Variants in FSHR observed in about 807,000 individuals in gnomAD.
FSHR encodes follicle-stimulating hormone receptor.
A neutral mutation model predicts 52.1 loss-of-function variants in FSHR; 46 were observed. That is an observed-to-expected ratio of 0.88 (90% CI 0.70 to 1.13). The LOEUF (loss-of-function observed/expected upper bound fraction) is 1.13. FSHR is among the 50% of genes most tolerant of loss of function. The pLI, the probability that FSHR is intolerant of heterozygous loss-of-function variation, is 0.00. For synonymous variants in FSHR, 399 were observed against 309.6 expected (o/e 1.29, Z -3.03); for missense variants, 964 against 834.6 (o/e 1.16, Z -1.91).
At chr2:48,987,837 A>AACACACACACACAC (rs72108367) in intron 6 of FSHR, among the ~76,000 whole-genome samples, 84 of 146,136 alleles carry the variant, frequency 5.7e-4, no homozygotes, top group African/African-American at 2.0e-3. Flanking sequence ...ACCTCATCTC[A>AACACACACACACAC]ACACACACAC....
At chr2:49,024,733 T>G (rs1203231741) in intron 2 of FSHR, among the ~76,000 whole-genome samples, 2 of 152,180 alleles carry the variant, frequency 1.3e-5, no homozygotes, top group Non-Finnish European at 2.9e-5. Flanking sequence ...CTCCAATATA[T>G]CCAAAATATT....
At chr2:49,125,239 T>C (rs1671956324) in intron 1 of FSHR, among the ~76,000 whole-genome samples, 1 of 152,222 alleles carries the variant, frequency 6.6e-6, no homozygotes, top group Non-Finnish European at 1.5e-5. Flanking sequence ...TCTTTTGGCT[T>C]TCTTGGATTG....
intron 2 of FSHR, among the ~76,000 whole-genome samples, chr2:49,055,590 C>G (rs1669032968): frequency 1.6e-5 from 2 of 127,698 alleles, no homozygotes; most frequent in South Asian, 2.6e-4. Context: ...CCCAAAAGTT[C>G]TTTCCAAGGC....
At chr2:49,097,652 A>G (rs1230552932) in intron 1 of FSHR, among the ~76,000 whole-genome samples, 1 of 152,202 alleles carries the variant, frequency 6.6e-6, no homozygotes, top group African/African-American at 2.4e-5. Context: ...GGAATAGAAT[A>G]ACGTTAGGAC....
At chr2:49,011,098 C>G (rs1667253091) in intron 4 of FSHR, among the ~76,000 whole-genome samples, 1 of 151,190 alleles carries the variant, frequency 6.6e-6, no homozygotes, top group Admixed American at 6.6e-5. Flanking sequence ...TCTTGCTTTT[C>G]TAGTTCTTTT....
At chr2:49,013,572 G>T (rs1667371690) in intron 4 of FSHR, among the ~76,000 whole-genome samples, 1 of 144,100 alleles carries the variant, frequency 6.9e-6, no homozygotes, top group East Asian at 2.0e-4. Context: ...TTTATTTATT[G>T]CAGGTAGAAG....
At chr2:49,088,005 A>C (rs1670463719) in intron 1 of FSHR, among the ~76,000 whole-genome samples, 1 of 152,198 alleles carries the variant, frequency 6.6e-6, no homozygotes, top group Non-Finnish European at 1.5e-5. Flanking sequence ...TGCAGTATCT[A>C]ATATAATCTT....
intron 2 of FSHR, among the ~76,000 whole-genome samples, chr2:49,022,014 G>C (rs1283409772): frequency 1.3e-5 from 2 of 150,732 alleles, no homozygotes; most frequent in African/African-American, 4.9e-5. Flanking sequence ...GAGAAGGAGG[G>C]GGAAAGGGAT....
chr2:49,148,480 T>C (rs1174714993), intron 1 of FSHR, among the ~76,000 whole-genome samples: 1 of 152,106 alleles, frequency 6.6e-6, no homozygotes, highest in African/African-American at 2.4e-5. Flanking sequence ...TATCGAATCA[T>C]TTGTACTACC....
At chr2:48,983,709 C>T (rs1675362463) in intron 6 of FSHR, among the ~76,000 whole-genome samples, 1 of 152,124 alleles carries the variant, frequency 6.6e-6, no homozygotes, top group African/African-American at 2.4e-5. Flanking sequence ...CCCATAGGGA[C>T]CTGGTTATTG....
intron 1 of FSHR, among the ~76,000 whole-genome samples, chr2:49,105,768 C>G (rs549738952): frequency 5.3e-5 from 8 of 152,278 alleles, no homozygotes; most frequent in African/African-American, 1.7e-4. Flanking sequence ...ACTGAGCAGA[C>G]AAACAAAGCT....
intron 7 of FSHR, 28 bp from the exon 8 acceptor site, chr2:48,983,014 G>A: frequency 6.2e-7 from 1 of 1,611,304 alleles, no homozygotes; most frequent in Non-Finnish European, 8.5e-7. Context: ...GAAAGAAGAA[G>A]GAAAACACAA....
At chr2:49,081,255 T>G (rs995418527) in intron 1 of FSHR, among the ~76,000 whole-genome samples, 4 of 152,004 alleles carry the variant, frequency 2.6e-5, no homozygotes, top group African/African-American at 7.2e-5. Context: ...TGCATATATA[T>G]CTCTTAAAAA....
In FSHR at chr2:49,154,412, G is replaced by A. The variant is rs1337390230; in HGVS notation, c.6C>T (p.Ala2=). 6.2e-7 allele frequency: 1 copy of A among 1,612,302 alleles called. No individual in the cohort carries two copies. The highest frequency in any genetic ancestry group is 1.3e-5 in the African/African-American group (1 of 74,932). M[A]LLLVSLLAFL... ...ATGCCAGCAAAGAGACCAGGAGCAGGGCCATAATTATGCATCCATCCACCT... is the reference window on the plus strand; with the variant it reads ...ATGCCAGCAAAGAGACCAGGAGCAGAGCCATAATTATGCATCCATCCACCT... Residue 2 remains alanine, a synonymous_variant, in exon 1 of 10, where the codon GCC becomes GCT. Coordinates refer to ENST00000406846, the MANE Select transcript of FSHR (RefSeq NM_000145.4).
At chr2:49,078,453 T>C (rs568333624) in intron 1 of FSHR, among the ~76,000 whole-genome samples, 73 of 152,246 alleles carry the variant, frequency 4.8e-4, no homozygotes, top group Non-Finnish European at 6.5e-4. Context: ...TAGTGTAACA[T>C]TGGTAACAAA....
chr2:49,114,039 C>T (rs750028542), intron 1 of FSHR, among the ~76,000 whole-genome samples: 2 of 152,126 alleles, frequency 1.3e-5, no homozygotes, highest in African/African-American at 4.8e-5. Context: ...AAAGCATGCT[C>T]CTTCTCCACC....
At chr2:49,099,867 G>A (rs1449578929) in intron 1 of FSHR, among the ~76,000 whole-genome samples, 1 of 152,114 alleles carries the variant, frequency 6.6e-6, no homozygotes, top group Non-Finnish European at 1.5e-5. Flanking sequence ...AACTGTGAGA[G>A]AATACATTTC....
At chr2:49,011,957 G>T (rs1410469484) in intron 4 of FSHR, among the ~76,000 whole-genome samples, 1 of 152,106 alleles carries the variant, frequency 6.6e-6, no homozygotes, top group East Asian at 1.9e-4. Flanking sequence ...GAAAGAAACA[G>T]CCTGGATTGC....
chr2:48,968,953 C>T (rs879610169), intron 8 of FSHR, 70 bp from the exon 9 acceptor site: 1 of 1,361,178 alleles, frequency 7.3e-7, no homozygotes, highest in Non-Finnish European at 1.0e-6. Context: ...GGTTAGCAGG[C>T]AAAATAGCAG....
Sources: gnomAD v4.1 joint callset for allele counts (sites outside exome capture counted in the v4.1 genomes callset) on GRCh38, gnomAD v4.1.1 for gene constraint, MANE v1.5 for transcripts, NCBI Gene and HGNC (gene_info 2026-07-23, HGNC 2026-07-21) for gene names.